SHANK2: variants seen among roughly 807,000 people sequenced by gnomAD.
SHANK2 encodes SH3 and multiple ankyrin repeat domains 2.
SHANK2 carries 43 observed loss-of-function variants against 133.7 expected under a neutral mutation model. That is an observed-to-expected ratio of 0.32 (90% CI 0.25 to 0.41). SHANK2 has a LOEUF of 0.41. Among genes scored for constraint, SHANK2 ranks in the 10% least tolerant of loss-of-function variants. The probability of loss-of-function intolerance (pLI) is 1.00; values close to 1 mark genes in which losing one functional copy is unlikely to be tolerated. For synonymous variants in SHANK2, 1,017 were observed against 952.8 expected (o/e 1.07, Z -1.24); for missense variants, 1,994 against 2,235.8 (o/e 0.89, Z 2.18).
intron 9 of SHANK2, among the ~76,000 whole-genome samples, chr11:71,061,713 C>T (rs961416723): frequency 2.5e-4 from 38 of 152,274 alleles, no homozygotes; most frequent in African/African-American, 7.5e-4. Context: ...GGGGTGTCAC[C>T]GGGAACCTGG....
At chr11:70,828,148 G>A (rs1555057603) in intron 11 of SHANK2, among the ~76,000 whole-genome samples, 1 of 152,186 alleles carries the variant, frequency 6.6e-6, no homozygotes, top group Admixed American at 6.5e-5. Flanking sequence ...GCCGGGTGTG[G>A]TCGTGCGCCT....
At chr11:70,512,280 A>G (rs1029132049) in intron 17 of SHANK2, among the ~76,000 whole-genome samples, 1 of 152,240 alleles carries the variant, frequency 6.6e-6, no homozygotes, top group Non-Finnish European at 1.5e-5. Context: ...CAAATGTCCT[A>G]TGGAAGGTCA....
At position 71,079,532 on chromosome 11, in the gene SHANK2, G is replaced by A. The variant is rs1001079118; in HGVS notation, c.913-4257C>T. ...TCCCAGCACTTTGGGAGGCCGAGGC[G>A]GGCGGATCACGAGGTCAGGAGATCG... On this transcript the variant is annotated intron_variant, in intron 8 of 25. Coordinates refer to ENST00000601538, the MANE Select transcript of SHANK2 (RefSeq NM_012309.5). 5.5e-3 allele frequency among the ~76,000 whole-genome samples: 831 copies of A among 152,090 alleles called. 9 individuals are homozygous for A. Among genetic ancestry groups the A allele is most frequent in the African/African-American group, 0.018 (766 of 41,508 alleles).
chr11:70,916,492 T>A (rs1647947969), intron 10 of SHANK2, among the ~76,000 whole-genome samples: 1 of 152,138 alleles, frequency 6.6e-6, no homozygotes, highest in African/African-American at 2.4e-5. Flanking sequence ...CACTCATGTG[T>A]ATGTGTGTGC....
intron 2 of SHANK2, among the ~76,000 whole-genome samples, chr11:71,174,060 T>C (rs1953370271): frequency 6.6e-6 from 1 of 152,240 alleles, no homozygotes; most frequent in African/African-American, 2.4e-5. Context: ...CATCGAGGCT[T>C]CACACTTATG....
intron 10 of SHANK2, among the ~76,000 whole-genome samples, chr11:70,925,293 GA>G (rs1192762362): frequency 6.6e-6 from 1 of 152,096 alleles, no homozygotes; most frequent in Non-Finnish European, 1.5e-5. Flanking sequence ...TCTGTGCTAA[GA>G]AAAAAACAAG....
At chr11:70,604,180 T>C (rs1231531355) in intron 17 of SHANK2, 1 of 152,246 alleles carries the variant, frequency 6.6e-6, no homozygotes, top group East Asian at 1.9e-4. Context: ...TTCTCCTCCC[T>C]CCTTTAATAA....
intron 10 of SHANK2, chr11:70,944,017 G>A (rs998128055): frequency 6.6e-6 from 3 of 455,278 alleles, no homozygotes; most frequent in African/African-American, 4.0e-5. Flanking sequence ...GGCCCACTTG[G>A]TTCAATCATG....
chr11:71,106,439 CA>C (rs1301601359), intron 6 of SHANK2, among the ~76,000 whole-genome samples: 4 of 152,072 alleles, frequency 2.6e-5, no homozygotes, highest in South Asian at 4.2e-4. Flanking sequence ...CCCATCTCTA[CA>C]AAAAAACACA....
At chr11:70,677,134 C>T (rs1944917732) in intron 15 of SHANK2, among the ~76,000 whole-genome samples, 1 of 152,190 alleles carries the variant, frequency 6.6e-6, no homozygotes, top group South Asian at 2.1e-4. Context: ...GGGAACTTAG[C>T]AACGGAGTGG....
chr11:70,668,594 G>C (rs539115293), intron 15 of SHANK2: 1 of 152,342 alleles, frequency 6.6e-6, no homozygotes, highest in Admixed American at 6.5e-5. Flanking sequence ...AGCAAAGGCC[G>C]GGCAAGTGAG....
intron 17 of SHANK2, among the ~76,000 whole-genome samples, chr11:70,559,926 C>T (rs2059885556): frequency 6.6e-6 from 1 of 152,052 alleles, no homozygotes; most frequent in African/African-American, 2.4e-5. Context: ...GGCTGGAGCA[C>T]AGTGGCGTGA....
At chr11:70,731,522 T>C (rs144370771) in intron 14 of SHANK2, among the ~76,000 whole-genome samples, 1 of 152,354 alleles carries the variant, frequency 6.6e-6, no homozygotes, top group African/African-American at 2.4e-5. Context: ...TGTGGCCTTT[T>C]GTGTCTGACT....
At chr11:70,896,825 T>G (rs1949943006) in intron 10 of SHANK2, among the ~76,000 whole-genome samples, 2 of 152,182 alleles carry the variant, frequency 1.3e-5, no homozygotes, top group South Asian at 2.1e-4. Flanking sequence ...CCAGAAGGCA[T>G]GTGGGGCAAA....
chr11:70,826,933 T>G (rs1555057337), intron 11 of SHANK2, among the ~76,000 whole-genome samples: 1 of 152,272 alleles, frequency 6.6e-6, no homozygotes, highest in Non-Finnish European at 1.5e-5. Flanking sequence ...CTCGGGCTGG[T>G]GCTGGGCGCT....
rs188074922 is a variant in SHANK2, at chr11:70,718,917, T to C, written c.1778-20154A>G. On this transcript the variant is annotated intron_variant, in intron 14 of 25. Transcript: ENST00000601538. Reference sequence around the variant, plus strand: ...TTTGCCGGTCACTGGCGCTATGAGCTTGGGCTTGTTTCCAGTTATCTTGAT... The same window carrying C: ...TTTGCCGGTCACTGGCGCTATGAGCCTGGGCTTGTTTCCAGTTATCTTGAT... Among the ~76,000 whole-genome samples, 160 of 152,302 alleles carry C rather than the reference T, an allele frequency of 1.1e-3. 1 individual carries two copies. The highest frequency in any genetic ancestry group is 1.8e-3 in the Non-Finnish European group (122 of 68,014).
intron 3 of SHANK2, among the ~76,000 whole-genome samples, chr11:71,127,640 A>AT (rs782248429): frequency 6.6e-6 from 1 of 152,204 alleles, no homozygotes; most frequent in Non-Finnish European, 1.5e-5. Flanking sequence ...GTATTTTTTA[A>AT]TTAGGGTATA....
At chr11:71,215,277 C>T (rs1954382811) in intron 2 of SHANK2, among the ~76,000 whole-genome samples, 1 of 152,184 alleles carries the variant, frequency 6.6e-6, no homozygotes, top group South Asian at 2.1e-4. Context: ...AGGGGCAGCA[C>T]CAAGTAACAT....
chr11:70,934,546 A>T (rs570446992), intron 10 of SHANK2, among the ~76,000 whole-genome samples: 33 of 152,326 alleles, frequency 2.2e-4, no homozygotes, highest in African/African-American at 7.9e-4. Flanking sequence ...CAGGAAGGCC[A>T]CTGGGTCTCA....
Sources: gnomAD v4.1 joint callset for allele counts (sites outside exome capture counted in the v4.1 genomes callset) on GRCh38, gnomAD v4.1.1 for gene constraint, MANE v1.5 for transcripts, NCBI Gene and HGNC (gene_info 2026-07-23, HGNC 2026-07-21) for gene names.